The following SDK1 variants were observed in gnomAD, a reference collection of about 807,000 sequenced individuals.
SDK1 encodes sidekick cell adhesion molecule 1.
Under a neutral mutation model 245.5 loss-of-function variants are expected in SDK1, and 157 were observed. The observed-to-expected ratio is 0.64, with a 90% CI of 0.56 to 0.73. The LOEUF is 0.73. SDK1 is among the 30% of genes least tolerant of loss of function. The probability of loss-of-function intolerance (pLI) is 0.00; values close to 1 mark genes in which losing one functional copy is unlikely to be tolerated. For missense variants in SDK1, 3,583 were observed against 3,002.3 expected (o/e 1.19, Z -4.52); for synonymous variants, 1,647 against 1,278.5 (o/e 1.29, Z -6.15).
At chr7:4,105,737 G>A (rs930345185) in intron 22 of SDK1, among the ~76,000 whole-genome samples, 3 of 152,220 alleles carry the variant, frequency 2.0e-5, no homozygotes, top group African/African-American at 7.2e-5. Flanking sequence ...GAGGCTAAGA[G>A]GGATGCTGTT....
chr7:4,182,423 A>C (rs6970322), intron 35 of SDK1, among the ~76,000 whole-genome samples: 6,660 of 152,206 alleles, frequency 0.044, 234 homozygotes, highest in African/African-American at 0.092. Context: ...GCCAGAGGGG[A>C]TCAGAATACC....
intron 35 of SDK1, among the ~76,000 whole-genome samples, chr7:4,193,200 T>A (rs1348753825): frequency 7.5e-6 from 1 of 132,498 alleles, no homozygotes; most frequent in East Asian, 2.0e-4. Context: ...ATTAATATAT[T>A]TATATATTAA....
At chr7:3,403,870 A>AG (rs1778977236) in intron 1 of SDK1, among the ~76,000 whole-genome samples, 1 of 84,752 alleles carries the variant, frequency 1.2e-5, no homozygotes. Context: ...TATATATATA[A>AG]TATATATATT....
At chr7:3,349,220 C>G (rs1190723566) in intron 1 of SDK1, among the ~76,000 whole-genome samples, 3 of 150,776 alleles carry the variant, frequency 2.0e-5, no homozygotes, top group Non-Finnish European at 4.4e-5. Context: ...CACAACAAAA[C>G]AAACACACAA....
chr7:4,027,697 G>A (rs1258695657), intron 17 of SDK1, among the ~76,000 whole-genome samples: 1 of 152,028 alleles, frequency 6.6e-6, no homozygotes, highest in Non-Finnish European at 1.5e-5. Flanking sequence ...TTTTCTCAGG[G>A]GTGTTGCAAA....
chr7:3,385,537 C>T (rs781287437), intron 1 of SDK1, among the ~76,000 whole-genome samples: 1 of 152,026 alleles, frequency 6.6e-6, no homozygotes, highest in African/African-American at 2.4e-5. Flanking sequence ...CCTGGATTAG[C>T]CTCAGACCCA....
intron 1 of SDK1, among the ~76,000 whole-genome samples, chr7:3,435,508 T>A (rs1306886977): frequency 6.7e-6 from 1 of 150,318 alleles, no homozygotes; most frequent in Non-Finnish European, 1.5e-5. Context: ...TTATTATGAT[T>A]ATGATTATGA....
chr7:3,750,185 A>G (rs1187896615), intron 4 of SDK1, among the ~76,000 whole-genome samples: 5 of 152,240 alleles, frequency 3.3e-5, no homozygotes, highest in Non-Finnish European at 7.3e-5. Flanking sequence ...ATTGCAAAAG[A>G]GGACTGGAGA....
intron 2 of SDK1, 152 bp downstream of exon 2, chr7:3,619,391 A>C: frequency 1.6e-6 from 1 of 644,158 alleles, no homozygotes; most frequent in Non-Finnish European, 2.6e-6. Flanking sequence ...ATGTAATTAG[A>C]ATGTGATTTA....
intron 16 of SDK1, among the ~76,000 whole-genome samples, chr7:4,012,913 C>T (rs1786107504): frequency 6.6e-6 from 1 of 152,018 alleles, no homozygotes; most frequent in African/African-American, 2.4e-5. Flanking sequence ...AAGTTTTCAA[C>T]CAAGGGCATG....
At chr7:4,227,489 A>G in intron 40 of SDK1, 1 of 467,534 alleles carries the variant, frequency 2.1e-6, no homozygotes, top group Middle Eastern at 3.3e-4. Flanking sequence ...GCTTCAGTAA[A>G]ATTTCTAACC....
rs569336561 is a variant in SDK1 at position 4,052,783 on chromosome 7, A to G, written c.2911+953A>G. ...ACCACGAGTCTGTACTCCCTCTGTA[A>G]TGAAAGTTAAAACTAGAATAATTAG... On this transcript the variant is annotated intron_variant, in intron 19 of 44. Transcript: ENST00000404826. Among the ~76,000 whole-genome samples, 23 of 152,238 alleles carry G rather than the reference A, an allele frequency of 1.5e-4. 1 individual carries two copies. Among genetic ancestry groups the G allele is most frequent in the African/African-American group, 5.5e-4 (23 of 41,532 alleles).
rs1289121195 is a variant in SDK1, at chr7:4,139,723, GTGTGTGTGTGTGTA to G, written c.4229-5985_4229-5972del. Among the ~76,000 whole-genome samples, 641 of 135,234 alleles carry G rather than the reference GTGTGTGTGTGTGTA, an allele frequency of 4.7e-3. 3 individuals are homozygous for G. The highest frequency in any genetic ancestry group is 0.013 in the East Asian group (62 of 4,840). 88.7% of individuals were successfully genotyped at this position (135,234 alleles called of 152,430 possible). ...TGTGTGTATGTGTGTGTGTGTGTAT[GTGTGTGTGTGTGTA>G]TGTGTGTGTGTGTGTGTGTGTATAA... On this transcript the variant is annotated intron_variant, in intron 28 of 44. Transcript: ENST00000404826.
chr7:3,674,448 G>A (rs1353962054), intron 4 of SDK1, among the ~76,000 whole-genome samples: 1 of 152,104 alleles, frequency 6.6e-6, no homozygotes, highest in African/African-American at 2.4e-5. Flanking sequence ...AACATTTAGA[G>A]GAGAGGGTGA....
chr7:3,578,250 T>C (rs1195171512), intron 1 of SDK1, among the ~76,000 whole-genome samples: 1 of 152,000 alleles, frequency 6.6e-6, no homozygotes, highest in African/African-American at 2.4e-5. Flanking sequence ...CAGCAAGTTT[T>C]ATTAAGGATT....
At chr7:3,613,717 A>G (rs373810833) in intron 1 of SDK1, among the ~76,000 whole-genome samples, 39 of 152,328 alleles carry the variant, frequency 2.6e-4, no homozygotes, top group East Asian at 2.1e-3. Flanking sequence ...AATGACATGG[A>G]ATCAACCCAA....
intron 1 of SDK1, among the ~76,000 whole-genome samples, chr7:3,321,570 A>G (rs1420110224): frequency 1.3e-5 from 2 of 152,164 alleles, no homozygotes; most frequent in East Asian, 3.8e-4. Flanking sequence ...AGTTAAAGAC[A>G]TTTTACATAC....
intron 1 of SDK1, among the ~76,000 whole-genome samples, chr7:3,524,306 T>A (rs1289291876): frequency 6.6e-6 from 1 of 152,078 alleles, no homozygotes; most frequent in East Asian, 1.9e-4. Context: ...AAATCCTACT[T>A]AGGTTTTAAC....
At chr7:3,354,520 C>CTTA (rs1343054842) in intron 1 of SDK1, among the ~76,000 whole-genome samples, 1 of 152,138 alleles carries the variant, frequency 6.6e-6, no homozygotes, top group African/African-American at 2.4e-5. Flanking sequence ...AGTTAACAGT[C>CTTA]TTAACACTTC....
Sources: gnomAD v4.1 joint callset for allele counts (sites outside exome capture counted in the v4.1 genomes callset) on GRCh38, gnomAD v4.1.1 for gene constraint, MANE v1.5 for transcripts, NCBI Gene and HGNC (gene_info 2026-07-23, HGNC 2026-07-21) for gene names.